PPFIA1: variants seen among roughly 807,000 people sequenced by gnomAD.
PPFIA1 encodes liprin-alpha-1.
In PPFIA1, 25 loss-of-function variants were observed where a neutral mutation model predicts 149.9. The observed-to-expected ratio is 0.17, with a 90% CI of 0.12 to 0.23. PPFIA1 has a LOEUF of 0.23. Ranked by LOEUF, PPFIA1 falls within the 10% of genes least tolerant of loss-of-function variation. The pLI, the probability that PPFIA1 is intolerant of heterozygous loss-of-function variation, is 1.00. For synonymous variants in PPFIA1, 549 were observed against 552.8 expected (o/e 0.99, Z 0.10); for missense variants, 1,362 against 1,506.5 (o/e 0.90, Z 1.59).
At chr11:70,330,640 C>G (rs1382068324) in intron 8 of PPFIA1, among the ~76,000 whole-genome samples, 1 of 152,190 alleles carries the variant, frequency 6.6e-6, no homozygotes, top group Non-Finnish European at 1.5e-5. Flanking sequence ...AGTGGGAGCA[C>G]TATGATACAT....
At chr11:70,298,063 C>T (rs1165113096) in intron 2 of PPFIA1, among the ~76,000 whole-genome samples, 1 of 152,216 alleles carries the variant, frequency 6.6e-6, no homozygotes, top group Non-Finnish European at 1.5e-5. Flanking sequence ...TGATTCTCTC[C>T]TCTCTGCTCT....
intron 2 of PPFIA1, among the ~76,000 whole-genome samples, chr11:70,311,746 A>C (rs926095974): frequency 3.3e-5 from 5 of 151,140 alleles, no homozygotes; most frequent in Non-Finnish European, 7.4e-5. Flanking sequence ...CATTTTGTGG[A>C]TACATAAACC....
rs145082070 is a variant in PPFIA1 at position 70,325,201 on chromosome 11, G to A, written c.531+190G>A. ...TGTCTTAAAATTACTAATGTATATT[G>A]ATTTGCTGTTACAAATTGGGTAGTA... is the stretch of plus-strand genomic sequence containing the variant. On this transcript the variant is annotated intron_variant, in intron 4 of 27. Coordinates refer to ENST00000253925, the MANE Select transcript of PPFIA1 (RefSeq NM_003626.5). 567 of 523,660 alleles carry A rather than the reference G, an allele frequency of 1.1e-3. 1 individual carries two copies. Among genetic ancestry groups the A allele is most frequent in the Middle Eastern group, 4.3e-3 (9 of 2,074 alleles). 32.4% of individuals were successfully genotyped at this position (523,660 alleles called of 1,614,324 possible). A position where few individuals can be genotyped will look rare whatever the true frequency, so the allele number is the denominator to read the frequency against.
chr11:70,271,001 A>C lies in PPFIA1; in HGVS notation c.-1+87A>C, dbSNP rs1315078263. ...CCGCGGCGGCCACGCAGCCGATTAG[A>C]TGTCTCCGCGGGGAAGGGTGCGCTC... On this transcript the variant is annotated intron_variant, in intron 1 of 27. Coordinates refer to ENST00000253925, the MANE Select transcript of PPFIA1 (RefSeq NM_003626.5). The C allele has an allele frequency of 4.0e-5, 6 of 151,660 alleles. No individual in the cohort carries two copies. In the Middle Eastern group the frequency reaches 0.01, roughly 260 times the overall value. 9.4% of individuals were successfully genotyped at this position (151,660 alleles called of 1,614,324 possible). A position where few individuals can be genotyped will look rare whatever the true frequency, so the allele number is the denominator to read the frequency against.
At chr11:70,308,575 A>G (rs2053037000) in intron 2 of PPFIA1, among the ~76,000 whole-genome samples, 1 of 152,166 alleles carries the variant, frequency 6.6e-6, no homozygotes, top group African/African-American at 2.4e-5. Context: ...ATATGTTTGT[A>G]TTTTGTTATT....
At chr11:70,315,310 T>C (rs1039453260) in intron 2 of PPFIA1, among the ~76,000 whole-genome samples, 1 of 152,326 alleles carries the variant, frequency 6.6e-6, no homozygotes, top group East Asian at 1.9e-4. Flanking sequence ...TTTATAAAAA[T>C]GTGAAGTTTG....
chr11:70,326,081 A>G (rs2054263491), intron 5 of PPFIA1, among the ~76,000 whole-genome samples, 181 bp from the exon 6 acceptor site: 1 of 152,192 alleles, frequency 6.6e-6, no homozygotes, highest in South Asian at 2.1e-4. Flanking sequence ...TGGCCAGTGG[A>G]TAATAAATTC....
intron 2 of PPFIA1, among the ~76,000 whole-genome samples, chr11:70,317,676 G>C (rs963107917): frequency 1.4e-4 from 22 of 152,168 alleles, no homozygotes; most frequent in African/African-American, 5.3e-4. Flanking sequence ...GCTGGTGCCG[G>C]AAGAGTGACA....
chr11:70,373,571 G>A (rs1278653276), intron 23 of PPFIA1: 1 of 152,146 alleles, frequency 6.6e-6, no homozygotes, highest in Non-Finnish European at 1.5e-5. Context: ...TAAGCTCAGA[G>A]TAATGACTCC....
intron 15 of PPFIA1, among the ~76,000 whole-genome samples, chr11:70,347,674 C>G (rs771377666): frequency 6.6e-6 from 1 of 152,094 alleles, no homozygotes; most frequent in Non-Finnish European, 1.5e-5. Flanking sequence ...CTACTGCACT[C>G]CAGCCGGGAT....
intron 19 of PPFIA1, among the ~76,000 whole-genome samples, chr11:70,360,077 C>A (rs574476451): frequency 6.6e-5 from 10 of 152,226 alleles, no homozygotes; most frequent in African/African-American, 2.4e-4. Flanking sequence ...GGACACACAC[C>A]GAGGCCTGGG....
At chr11:70,281,588 C>T (rs997067715) in intron 2 of PPFIA1, among the ~76,000 whole-genome samples, 4 of 152,204 alleles carry the variant, frequency 2.6e-5, no homozygotes, top group African/African-American at 9.7e-5. Flanking sequence ...GGCTGACTGT[C>T]AGGCCTGTAC....
chr11:70,279,722 G>GGGGT (rs1264108021), intron 2 of PPFIA1, among the ~76,000 whole-genome samples: 3 of 135,308 alleles, frequency 2.2e-5, no homozygotes, highest in Admixed American at 7.3e-5. Flanking sequence ...TATGTGTCTA[G>GGGGT]GTGTGTGTGT....
At chr11:70,353,125 C>A (rs1408001354) in intron 16 of PPFIA1, among the ~76,000 whole-genome samples, 6 of 152,162 alleles carry the variant, frequency 3.9e-5, no homozygotes, top group Non-Finnish European at 8.8e-5. Flanking sequence ...GAGCACAGCT[C>A]CATTTTGCAT....
chr11:70,372,023 A>G (rs2057291919), intron 21 of PPFIA1, 192 bp from the exon 22 acceptor site: 2 of 437,166 alleles, frequency 4.6e-6, no homozygotes, highest in East Asian at 3.5e-5. Flanking sequence ...TCATGTTACT[A>G]TTCCTGTTGT....
chr11:70,354,584 T>C, intron 17 of PPFIA1, 132 bp downstream of exon 17: 1 of 1,005,716 alleles, frequency 9.9e-7, no homozygotes, highest in South Asian at 1.8e-5. Context: ...TGAGTGTATT[T>C]ACATGTTACA....
At chr11:70,335,788 G>C in intron 11 of PPFIA1, 94 bp downstream of exon 11, 1 of 1,417,534 alleles carries the variant, frequency 7.1e-7, no homozygotes, top group Non-Finnish European at 9.7e-7. Context: ...ACAGTGGTTA[G>C]CAGCTGTTAC....
intron 5 of PPFIA1, 55 bp from the exon 6 acceptor site, chr11:70,326,202 TCTTTA>T (rs1432439650): frequency 1.4e-5 from 14 of 993,336 alleles, no homozygotes; most frequent in Middle Eastern, 2.4e-4. Flanking sequence ...AGTTTTGCTA[TCTTTA>T]CTTATTTCTC....
chr11:70,350,932 T>G (rs2056017793), intron 16 of PPFIA1: 1 of 1,018,584 alleles, frequency 9.8e-7, no homozygotes, highest in African/African-American at 1.7e-5. Context: ...CCTTGAATTT[T>G]TAACTTCAAA....
Sources: gnomAD v4.1 joint callset for allele counts (sites outside exome capture counted in the v4.1 genomes callset) on GRCh38, gnomAD v4.1.1 for gene constraint, MANE v1.5 for transcripts, NCBI Gene and HGNC (gene_info 2026-07-23, HGNC 2026-07-21) for gene names.